Variants in ROBO2 observed in about 807,000 individuals in gnomAD.
ROBO2 encodes roundabout guidance receptor 2, also known as roundabout homolog 2.
A neutral mutation model predicts 160.8 loss-of-function variants in ROBO2; 53 were observed. The ratio of observed to expected loss-of-function variants is 0.33; its 90% CI spans 0.26 to 0.41. The LOEUF is 0.41. Ranked by LOEUF, ROBO2 falls within the 10% of genes least tolerant of loss-of-function variation. The pLI, the probability that ROBO2 is intolerant of heterozygous loss-of-function variation, is 1.00. For synonymous variants in ROBO2, 664 were observed against 611.7 expected (o/e 1.09, Z -1.26); for missense variants, 1,577 against 1,722.4 (o/e 0.92, Z 1.49).
chr3:76,971,022 T>G (rs1452713067), intron 2 of ROBO2, among the ~76,000 whole-genome samples: 2 of 152,186 alleles, frequency 1.3e-5, no homozygotes, highest in Admixed American at 6.5e-5. Flanking sequence ...CAAGTTCATA[T>G]CTGTCTGATT....
At position 76,983,382 on chromosome 3, in the gene ROBO2, G is replaced by A. The variant is rs13434104; in HGVS notation, c.110-114632G>A. Among the ~76,000 whole-genome samples, 1,412 of 152,204 alleles carry A rather than the reference G, an allele frequency of 9.3e-3. 23 individuals carry two copies. The highest frequency in any genetic ancestry group is 0.032 in the African/African-American group (1,339 of 41,526). ...GACAAATTTTTTCAAAGATTTGAAA[G>A]GCATATGTTGCTTTCTTAACAGACA... On this transcript the variant is annotated intron_variant, in intron 2 of 26. Transcript: ENST00000487694.
At chr3:77,145,174 G>T (rs528054703) in intron 2 of ROBO2, among the ~76,000 whole-genome samples, 3 of 152,230 alleles carry the variant, frequency 2.0e-5, no homozygotes, top group East Asian at 3.9e-4. Context: ...AGCTGGGTGT[G>T]CATGGGCTGA....
At chr3:76,948,906 A>AT (rs2078769985) in intron 2 of ROBO2, among the ~76,000 whole-genome samples, 16 of 20,852 alleles carry the variant, frequency 7.7e-4, no homozygotes, top group African/African-American at 2.6e-3. Context: ...ATATATATAT[A>AT]TATTTTTTTT....
intron 2 of ROBO2, among the ~76,000 whole-genome samples, chr3:76,119,912 C>A (rs1044446496): frequency 1.2e-5 from 1 of 84,902 alleles, no homozygotes. Context: ...TTCCTTCCCT[C>A]CCTCCCTTCC....
At chr3:76,111,318 G>A (rs1350060890) in intron 2 of ROBO2, among the ~76,000 whole-genome samples, 2 of 152,064 alleles carry the variant, frequency 1.3e-5, no homozygotes, top group Non-Finnish European at 2.9e-5. Flanking sequence ...GCAGAAGCTA[G>A]GAAGAGTCAA....
At chr3:76,781,065 T>C (rs1462173241) in intron 2 of ROBO2, among the ~76,000 whole-genome samples, 1 of 149,988 alleles carries the variant, frequency 6.7e-6, no homozygotes, top group Non-Finnish European at 1.5e-5. Context: ...ATTTTTCTAT[T>C]TATTTGTGTC....
chr3:76,393,528 G>C (rs2077263542), intron 2 of ROBO2, among the ~76,000 whole-genome samples: 1 of 152,088 alleles, frequency 6.6e-6, no homozygotes, highest in Admixed American at 6.6e-5. Flanking sequence ...TATAAACTTT[G>C]ACCTACTTCT....
intron 2 of ROBO2, among the ~76,000 whole-genome samples, chr3:76,284,827 C>T (rs1296453214): frequency 2.6e-5 from 4 of 152,098 alleles, no homozygotes; most frequent in Non-Finnish European, 5.9e-5. Flanking sequence ...GATTTTTCCA[C>T]CTGCTGCGAT....
At chr3:76,622,235 G>GAAAGAAAGAAAGAAAGAAGGAAAGA (rs1343648585) in intron 2 of ROBO2, among the ~76,000 whole-genome samples, 1 of 44,790 alleles carries the variant, frequency 2.2e-5, no homozygotes, top group Non-Finnish European at 4.2e-5. Flanking sequence ...AGGAAGGAAG[G>GAAAGAAAGAAAGAAAGAAGGAAAGA]AAGAAAGAAA....
intron 2 of ROBO2, among the ~76,000 whole-genome samples, chr3:77,124,157 A>G (rs2075091933): frequency 1.3e-5 from 2 of 152,254 alleles, no homozygotes; most frequent in Admixed American, 1.3e-4. Flanking sequence ...GATACTTCAA[A>G]GTTCAAATGA....
intron 2 of ROBO2, among the ~76,000 whole-genome samples, chr3:76,591,344 C>G (rs1328840801): frequency 6.6e-6 from 1 of 152,076 alleles, no homozygotes; most frequent in Non-Finnish European, 1.5e-5. Flanking sequence ...TGGTCTTGCT[C>G]TCTCAATAGA....
At chr3:77,277,201 TTTCTTTCTTTC>T (rs1447966461) in intron 2 of ROBO2, among the ~76,000 whole-genome samples, 6 of 134,878 alleles carry the variant, frequency 4.4e-5, no homozygotes, top group African/African-American at 1.6e-4. Flanking sequence ...TCTTTCTTTC[TTTCTTTCTTTC>T]TTCTTTCTTT....
intron 2 of ROBO2, among the ~76,000 whole-genome samples, chr3:76,815,476 C>A (rs945002583): frequency 6.6e-6 from 1 of 151,924 alleles, no homozygotes; most frequent in Non-Finnish European, 1.5e-5. Context: ...GAATCAACAT[C>A]AAGAAACAAC....
chr3:76,202,312 A>G (rs1034831074), intron 2 of ROBO2, among the ~76,000 whole-genome samples: 1 of 152,212 alleles, frequency 6.6e-6, no homozygotes, highest in African/African-American at 2.4e-5. Flanking sequence ...CTGCAAAAAT[A>G]TAAATTGTTT....
chr3:77,229,178 A>G (rs1365342125), intron 2 of ROBO2, among the ~76,000 whole-genome samples: 1 of 152,146 alleles, frequency 6.6e-6, no homozygotes, highest in African/African-American at 2.4e-5. Context: ...ATGGGACTCA[A>G]TGTTATATAG....
At chr3:76,711,066 G>A (rs906232944) in intron 2 of ROBO2, among the ~76,000 whole-genome samples, 1 of 152,062 alleles carries the variant, frequency 6.6e-6, no homozygotes, top group Non-Finnish European at 1.5e-5. Context: ...TATTGCTATC[G>A]CTGCTTTTCC....
intron 2 of ROBO2, among the ~76,000 whole-genome samples, chr3:76,471,049 A>G (rs2078630041): frequency 6.6e-6 from 1 of 151,302 alleles, no homozygotes; most frequent in African/African-American, 2.5e-5. Flanking sequence ...ATTCTTTACA[A>G]TATAAATGTA....
At chr3:77,430,982 C>A (rs1242055527) in intron 2 of ROBO2, among the ~76,000 whole-genome samples, 1 of 152,174 alleles carries the variant, frequency 6.6e-6, no homozygotes, top group Non-Finnish European at 1.5e-5. Context: ...ATTCTTTTCC[C>A]AGTAAGTTTA....
intron 13 of ROBO2, among the ~76,000 whole-genome samples, chr3:77,569,934 T>A (rs1382343692): frequency 6.6e-6 from 1 of 151,966 alleles, no homozygotes; most frequent in Non-Finnish European, 1.5e-5. Flanking sequence ...TTTGCATAGA[T>A]TTATTCTATT....
Sources: allele counts gnomAD v4.1 joint callset (sites outside exome capture counted in the v4.1 genomes callset), GRCh38; gene constraint gnomAD v4.1.1; transcripts MANE v1.5; gene names NCBI Gene and HGNC (gene_info 2026-07-23, HGNC 2026-07-21).